AFP: variants seen among roughly 807,000 people sequenced by gnomAD.
AFP encodes alpha-fetoprotein.
Under a neutral mutation model 78.9 loss-of-function variants are expected in AFP, and 64 were observed. The observed-to-expected ratio is 0.81, with a 90% CI of 0.66 to 1.00. The LOEUF is 1.00. Ranked by LOEUF, AFP falls within the 50% of genes least tolerant of loss-of-function variation. The pLI is 0.00. For synonymous variants in AFP, 254 were observed against 243.8 expected, an observed-to-expected ratio of 1.04 and a Z score of -0.39; for missense variants, 689 against 703.8, an observed-to-expected ratio of 0.98 and a Z score of 0.24.
intron 7 of AFP, 82 bp from the exon 8 acceptor site, chr4:73,447,380 C>G: frequency 9.5e-7 from 1 of 1,048,790 alleles, no homozygotes; most frequent in South Asian, 1.8e-5. Flanking sequence ...CCTCCCCTTT[C>G]TTCCTTTTTC....
intron 11 of AFP, among the ~76,000 whole-genome samples, chr4:73,452,172 A>T (rs529877581): frequency 1.3e-5 from 2 of 152,320 alleles, no homozygotes; most frequent in South Asian, 4.1e-4. Context: ...TATCCTCAAC[A>T]TCACATATGG....
intron 3 of AFP, 106 bp from the exon 4 acceptor site, chr4:73,440,496 A>T (rs1271745350): frequency 8.6e-6 from 8 of 927,008 alleles, no homozygotes; most frequent in South Asian, 3.1e-5. Context: ...AAAATTTTTC[A>T]GAATCTATAG....
chr4:73,439,402 C>T (rs532662988), intron 3 of AFP, among the ~76,000 whole-genome samples: 2 of 152,190 alleles, frequency 1.3e-5, no homozygotes, highest in South Asian at 4.1e-4. Context: ...TTCTGTTTTG[C>T]ATCTCTATTT....
At position 73,447,617 on chromosome 4, in the gene AFP, T is replaced by C; in HGVS notation, c.999T>C (p.Phe333=). The part of the protein sequence containing the change: ...PEGLSPNLNR[F]LGDRDFNQFS... ...GTCTATCTCCAAATCTAAACAGGTTTTTAGGAGATAGAGATTTTAACCAAT... is the reference window on the plus strand; with the variant it reads ...GTCTATCTCCAAATCTAAACAGGTTCTTAGGAGATAGAGATTTTAACCAAT... The change falls in exon 8 of 15, where the codon TTT becomes TTC. Residue 333 remains phenylalanine (F), a synonymous_variant. Coordinates refer to ENST00000395792, the MANE Select transcript of AFP (RefSeq NM_001134.3). The C allele has an allele frequency of 6.2e-7, 1 of 1,611,912 alleles. No individual in the cohort carries two copies. The highest frequency in any genetic ancestry group is 8.5e-7 in the Non-Finnish European group (1 of 1,179,644).
chr4:73,441,898 C>A (rs1719679615), intron 4 of AFP, among the ~76,000 whole-genome samples: 2 of 152,166 alleles, frequency 1.3e-5, no homozygotes, highest in Admixed American at 6.5e-5. Context: ...AGGTGCATAA[C>A]CCCATTCTGC....
rs1048259467 is a variant in AFP, at chr4:73,455,612, A to G, written c.*11-19A>G. ...TATTAGTTTAATTAGTATTTAATAT[A>G]TTTTTGCTCATATTGCAGGGGAAGA... On this transcript the variant is annotated intron_variant, in intron 14 of 14. Transcript: ENST00000395792. The G allele has an allele frequency of 1.3e-5, 9 of 687,970 alleles. No individual in the cohort carries two copies. Among genetic ancestry groups the G allele is most frequent in the Non-Finnish European group, 2.1e-5 (8 of 381,496 alleles). 42.6% of individuals were successfully genotyped at this position (687,970 alleles called of 1,614,324 possible).
chr4:73,447,421 A>C (rs1181476915), intron 7 of AFP, 41 bp from the exon 8 acceptor site: 51 of 1,464,022 alleles, frequency 3.5e-5, no homozygotes, highest in Non-Finnish European at 4.7e-5. Flanking sequence ...TTTATTAAAG[A>C]ATAAATCTTT....
In AFP at chr4:73,455,861, A is replaced by G; in HGVS notation, c.*241A>G. Reference sequence around the variant, plus strand: ...ACCATTGTCTGAAGCAGATTCTGTTAAAATAGCATTAAGTGTTGGTTATTA... The same window carrying G: ...ACCATTGTCTGAAGCAGATTCTGTTGAAATAGCATTAAGTGTTGGTTATTA... On this transcript the variant is annotated 3_prime_UTR_variant, in exon 15 of 15. Transcript: ENST00000395792. The G allele has an allele frequency of 3.6e-6, 2 of 556,134 alleles. No individual in the cohort carries two copies. The highest frequency in any genetic ancestry group is 4.5e-5 in the South Asian group (2 of 44,030). 34.4% of individuals were successfully genotyped at this position (556,134 alleles called of 1,614,324 possible).
chr4:73,450,183 A>C, intron 10 of AFP, 50 bp downstream of exon 10: 1 of 1,381,558 alleles, frequency 7.2e-7, no homozygotes, highest in Non-Finnish European at 1.0e-6. Context: ...ATTAAAGAGA[A>C]TGTAGCCTTC....
In AFP at chr4:73,445,091, G is replaced by A. The variant is rs750893628; in HGVS notation, c.812G>A (p.Arg271Lys). ...DVAHVHEHCC[R>K]GDVLDCLQDG... The stretch of plus-strand genomic sequence containing the variant: ...GCCCATGTACATGAGCACTGTTGCA[G>A]AGGAGATGTGCTGGATTGTCTGCAG... The change falls in exon 7 of 15, where the codon AGA (arginine) becomes AAA (lysine). Residue 271 changes from arginine to lysine, a missense_variant. Physicochemically the swap from Arg to Lys is conservative, Grantham distance 26 (BLOSUM62 2). Transcript: ENST00000395792. 1.2e-6 allele frequency: 2 copies of A among 1,613,980 alleles called. No individual in the cohort carries two copies. Among genetic ancestry groups the A allele is most frequent in the Admixed American group, 3.3e-5 (2 of 60,022 alleles).
intron 14 of AFP, 49 bp from the exon 15 acceptor site, chr4:73,455,582 G>A (rs1421037478): frequency 4.4e-6 from 3 of 676,988 alleles, no homozygotes; most frequent in Non-Finnish European, 7.9e-6. Flanking sequence ...GTTACTTACT[G>A]CACCTATTAG....
chr4:73,441,084 T>A (rs1719648644), intron 4 of AFP, among the ~76,000 whole-genome samples: 1 of 152,018 alleles, frequency 6.6e-6, no homozygotes, highest in Non-Finnish European at 1.5e-5. Flanking sequence ...TTTTTTTTTC[T>A]TTTTACCCAT....
At chr4:73,453,627 C>A (rs2149337240) in intron 12 of AFP, 138 bp from the exon 13 acceptor site, 2 of 938,472 alleles carry the variant, frequency 2.1e-6, no homozygotes, top group Non-Finnish European at 1.6e-6. Flanking sequence ...AAGTACTAGA[C>A]AAGGTGTGTG....
intron 1 of AFP, among the ~76,000 whole-genome samples, chr4:73,436,817 C>T (rs922262401): frequency 6.6e-6 from 1 of 151,612 alleles, no homozygotes; most frequent in South Asian, 2.1e-4. Context: ...AATGGCAAAC[C>T]GTAGTATAAC....
chr4:73,440,614 C>T lies in AFP; in HGVS notation c.283C>T (p.Leu95=). 1.2e-6 allele frequency: 2 copies of T among 1,613,954 alleles called. No homozygotes were observed. Among genetic ancestry groups the T allele is most frequent in the Non-Finnish European group, 1.7e-6 (2 of 1,179,830 alleles). The change falls in exon 4 of 15, where the codon CTG becomes TTG. Residue 95 remains leucine, a synonymous_variant. Transcript: ENST00000395792. ...GCLENQLPAF[L]EELCHEKEIL... is the part of the protein sequence containing the mutation. ...ATATTTCTTATAGCTACCTGCCTTT[C>T]TGGAAGAACTTTGCCATGAGAAAGA...
intron 6 of AFP, 119 bp downstream of exon 6, chr4:73,443,563 T>C (rs1338330651): frequency 2.3e-5 from 17 of 748,402 alleles, no homozygotes; most frequent in Non-Finnish European, 4.1e-5. Context: ...TGTGACCCCT[T>C]TGATGAGGGC....
intron 5 of AFP, among the ~76,000 whole-genome samples, 169 bp from the exon 6 acceptor site, chr4:73,443,177 TA>T (rs973275358): frequency 6.6e-6 from 1 of 152,196 alleles, no homozygotes; most frequent in Non-Finnish European, 1.5e-5. Context: ...CCCAAAAGAA[TA>T]AATGAGTCAA....
rs1720150066 is a variant in AFP at position 73,456,060 on chromosome 4, T to C, written c.*440T>C. 1 of 162,366 alleles carries C rather than the reference T, an allele frequency of 6.2e-6. No homozygotes were observed. The highest frequency in any genetic ancestry group is 1.3e-5 in the Non-Finnish European group (1 of 75,124). 10.1% of individuals were successfully genotyped at this position (162,366 alleles called of 1,614,324 possible). A position where few individuals can be genotyped will look rare whatever the true frequency, so the allele number is the denominator to read the frequency against. On this transcript the variant is annotated 3_prime_UTR_variant, in exon 15 of 15. Coordinates refer to ENST00000395792, the MANE Select transcript of AFP (RefSeq NM_001134.3). ...GAGATGAGAAAAGAAATTATTATTC[T>C]TCTATGGGATCTAAGAAAATTTAAC...
intron 10 of AFP, 151 bp downstream of exon 10, chr4:73,450,284 G>C (rs1156738569): frequency 5.6e-6 from 4 of 714,640 alleles, no homozygotes; most frequent in African/African-American, 5.4e-5. Context: ...GCAAATTTTT[G>C]CAGTAAAGAT....
Sources: gnomAD v4.1 joint callset for allele counts (sites outside exome capture counted in the v4.1 genomes callset) on GRCh38, gnomAD v4.1.1 for gene constraint, MANE v1.5 for transcripts, NCBI Gene and HGNC (gene_info 2026-07-23, HGNC 2026-07-21) for gene names.